Variants in CCDC174 observed in about 807,000 individuals in gnomAD.
CCDC174 encodes the protein coiled-coil domain containing 174, also known as coiled-coil domain-containing protein 174.
A neutral mutation model predicts 57.1 loss-of-function variants in CCDC174; 37 were observed. The ratio of observed to expected loss-of-function variants is 0.65; its 90% CI spans 0.50 to 0.85. The LOEUF (loss-of-function observed/expected upper bound fraction) is 0.85, where lower values mean the gene tolerates loss of function less well. Ranked by LOEUF, CCDC174 falls within the 40% of genes least tolerant of loss-of-function variation. CCDC174 has a pLI of 0.00. For missense variants in CCDC174, 540 were observed against 574.3 expected (o/e 0.94, Z 0.61); for synonymous variants, 182 against 190.2 (o/e 0.96, Z 0.35).
chr3:14,658,981 T>A (rs747892611), intron 4 of CCDC174, 52 bp downstream of exon 4: 75 of 1,397,044 alleles, frequency 5.4e-5, no homozygotes, highest in Admixed American at 2.7e-4. Context: ...ATACAGCCCT[T>A]TGATATTACA....
chr3:14,663,079 C>G (rs1287387639), intron 5 of CCDC174, among the ~76,000 whole-genome samples: 2 of 152,174 alleles, frequency 1.3e-5, no homozygotes, highest in Non-Finnish European at 2.9e-5. Flanking sequence ...GAGGCAGGGT[C>G]TCCACACTCC....
At position 14,670,079 on chromosome 3, in the gene CCDC174, C is replaced by CG; in HGVS notation, c.1100dup (p.Glu369ArgfsTer17). ...TGCCACACATCCGGGAGTGGGACCG[C>CG]GGAAAAGGTAAGGGAGGTGGGCTCT... is the stretch of plus-strand genomic sequence containing the variant. On this transcript the variant is annotated frameshift_variant, in exon 10 of 11. Coordinates refer to ENST00000383794, the MANE Select transcript of CCDC174 (RefSeq NM_016474.5). LOFTEE classifies it low-confidence loss of function (END_TRUNC). 1 of 1,608,594 alleles carries CG rather than the reference C, an allele frequency of 6.2e-7. No homozygotes were observed. The highest frequency in any genetic ancestry group is 8.5e-7 in the Non-Finnish European group (1 of 1,178,430).
intron 7 of CCDC174, 81 bp downstream of exon 7, chr3:14,667,028 A>C (rs774272502): frequency 8.3e-7 from 1 of 1,210,690 alleles, no homozygotes; most frequent in South Asian, 1.5e-5. Flanking sequence ...GTATTCATAA[A>C]GCAATAGCTT....
chr3:14,671,500 C>A lies in CCDC174; in HGVS notation c.*306C>A. 1 of 278,254 alleles carries A rather than the reference C, an allele frequency of 3.6e-6. No homozygotes were observed. The highest frequency in any genetic ancestry group is 6.7e-6 in the Non-Finnish European group (1 of 149,578). 17.2% of individuals were successfully genotyped at this position (278,254 alleles called of 1,614,324 possible). A position where few individuals can be genotyped will look rare whatever the true frequency, so the allele number is the denominator to read the frequency against. The stretch of plus-strand genomic sequence containing the variant: ...CTTATAACCCTGTTTCATATCTACT[C>A]CCACGACTTACTCATATTTAAGGGT... On this transcript the variant is annotated 3_prime_UTR_variant, in exon 11 of 11. Coordinates refer to ENST00000383794, the MANE Select transcript of CCDC174 (RefSeq NM_016474.5).
rs2031518173 is a variant in CCDC174 at position 14,671,673 on chromosome 3, TCCAAGAGGACC to T, written c.*481_*491del. The T allele has an allele frequency of 6.5e-6, 1 of 153,930 alleles. No homozygotes were observed. Among genetic ancestry groups the T allele is most frequent in the Admixed American group, 6.5e-5 (1 of 15,474 alleles). 9.5% of individuals were successfully genotyped at this position (153,930 alleles called of 1,614,324 possible). On this transcript the variant is annotated 3_prime_UTR_variant, in exon 11 of 11. Coordinates refer to ENST00000383794, the MANE Select transcript of CCDC174 (RefSeq NM_016474.5). ...GCATGGGAGGCAAAATGCTCTGTTC[TCCAAGAGGACC>T]CGGAAGTAATCACATAGGAAATGAT...
chr3:14,671,355 C>T lies in CCDC174; in HGVS notation c.*161C>T. The T allele has an allele frequency of 2.9e-6, 2 of 686,776 alleles. No individual in the cohort carries two copies. The highest frequency in any genetic ancestry group is 3.8e-4 in the Middle Eastern group (1 of 2,610). 42.5% of individuals were successfully genotyped at this position (686,776 alleles called of 1,614,324 possible). Reference sequence around the variant, plus strand: ...TCAGCAAGGAGGAAAGTTATGGAAACTTTGGCCACTTGGCTGTTCATTTTA... The same window carrying T: ...TCAGCAAGGAGGAAAGTTATGGAAATTTTGGCCACTTGGCTGTTCATTTTA... On this transcript the variant is annotated 3_prime_UTR_variant, in exon 11 of 11. Transcript: ENST00000383794.
At position 14,655,578 on chromosome 3, in the gene CCDC174, A is replaced by G; in HGVS notation, c.197A>G (p.Glu66Gly). ...AATGTAGGCGTTTCAAATCGAGCTG[A>G]GAAGGATGCTGAACAGAAGATTGAA... ...KQNVGVSNRA[E>G]KDAEQKIEEQ... is the part of the protein sequence containing the mutation. The change falls in exon 3 of 11, where the codon GAG (glutamate) becomes GGG (glycine). Residue 66 changes from glutamate to glycine, a missense_variant. Glu to Gly is a moderately conservative substitution (Grantham distance 98). Transcript: ENST00000383794. 1 of 1,610,942 alleles carries G rather than the reference A, an allele frequency of 6.2e-7. No individual in the cohort carries two copies. The highest frequency in any genetic ancestry group is 8.5e-7 in the Non-Finnish European group (1 of 1,178,264).
At chr3:14,667,389 A>T (rs1334751454) in intron 7 of CCDC174, 35 bp from the exon 8 acceptor site, 8 of 1,473,814 alleles carry the variant, frequency 5.4e-6, no homozygotes, top group Non-Finnish European at 7.6e-6. Context: ...TGATCAGGAC[A>T]GTCTGATCTT....
At position 14,671,103 on chromosome 3, in the gene CCDC174, C is replaced by G. The variant is rs145950373; in HGVS notation, c.1313C>G (p.Pro438Arg). ...SHGPSPEHTS[P>R]TPAPDNPPQA... ...GGACCTAGCCCTGAACATACGTCAC[C>G]CACTCCTGCCCCCGACAACCCACCA... The change falls in exon 11 of 11, where the codon CCC becomes CGC. Residue 438 changes from proline to arginine, a missense_variant. Transcript: ENST00000383794. The G allele has an allele frequency of 2.5e-5, 41 of 1,614,042 alleles. No homozygotes were observed. In the African/African-American group the frequency reaches 4.9e-4, roughly 19 times the overall value.
At chr3:14,664,649 G>A (rs1009850207) in intron 5 of CCDC174, among the ~76,000 whole-genome samples, 3 of 152,218 alleles carry the variant, frequency 2.0e-5, no homozygotes, top group Non-Finnish European at 2.9e-5. Context: ...GAGGAAATGA[G>A]CAAGTTGAGA....
At chr3:14,660,257 G>T (rs1435952028) in intron 4 of CCDC174, among the ~76,000 whole-genome samples, 2 of 152,236 alleles carry the variant, frequency 1.3e-5, no homozygotes, top group African/African-American at 2.4e-5. Flanking sequence ...TGTAATCCCA[G>T]CATTTTGGGA....
chr3:14,654,857 G>A lies in CCDC174; in HGVS notation c.147+327G>A, dbSNP rs555243135. On this transcript the variant is annotated intron_variant, in intron 2 of 10. Transcript: ENST00000383794. ...CAATTAGATAATATAGGAATATAGC[G>A]GAAAATATCAGGGTGTATAAGAGCT... Among the ~76,000 whole-genome samples the A allele has an allele frequency of 9.9e-5, 15 of 152,256 alleles. 1 individual carries two copies. Among genetic ancestry groups the A allele is most frequent in the South Asian group, 8.3e-4 (4 of 4,820 alleles).
rs558741704 is a variant in CCDC174, at chr3:14,671,051, C to T, written c.1261C>T (p.Pro421Ser). 123 of 1,614,116 alleles carry T rather than the reference C, an allele frequency of 7.6e-5. No individual in the cohort carries two copies. The highest frequency in any genetic ancestry group is 1.0e-4 in the Non-Finnish European group (120 of 1,180,010). The change falls in exon 11 of 11, where the codon CCA (proline) becomes TCA (serine). Residue 421 changes from proline (P) to serine (S), a missense_variant. By Grantham distance (74) the Pro-to-Ser change is moderately conservative. Coordinates refer to ENST00000383794, the MANE Select transcript of CCDC174 (RefSeq NM_016474.5). Reference sequence around the variant, plus strand: ...CAGACCTGGGCCAGCACAGAGTGACCCAGGGCAGTGCCCTGACCAGAGCCA... The same window carrying T: ...CAGACCTGGGCCAGCACAGAGTGACTCAGGGCAGTGCCCTGACCAGAGCCA... ...WSRPGPAQSDPGQCPDQSHGP... is the reference protein window; with the variant it reads ...WSRPGPAQSDSGQCPDQSHGP...
At chr3:14,658,221 C>T (rs1456095216) in intron 3 of CCDC174, among the ~76,000 whole-genome samples, 1 of 152,244 alleles carries the variant, frequency 6.6e-6, no homozygotes. Context: ...TCCTGTGAGT[C>T]CTCAGTGCCT....
chr3:14,651,967 C>T, intron 1 of CCDC174, 89 bp downstream of exon 1: 5 of 1,341,872 alleles, frequency 3.7e-6, no homozygotes, highest in Non-Finnish European at 5.3e-6. Context: ...TTTCTTCACT[C>T]GGGGACCCAG....
At position 14,651,825 on chromosome 3, in the gene CCDC174, T is replaced by A; in HGVS notation, c.-12T>A. On this transcript the variant is annotated 5_prime_UTR_variant, in exon 1 of 11. Transcript: ENST00000383794. The stretch of plus-strand genomic sequence containing the variant: ...AAGGGTCCTTCCTGGACCGGGACCC[T>A]CTGCCACGACCATGGACCGTAGGAA... The A allele has an allele frequency of 6.2e-7, 1 of 1,614,128 alleles. No homozygotes were observed. The highest frequency in any genetic ancestry group is 8.5e-7 in the Non-Finnish European group (1 of 1,179,972).
At chr3:14,656,863 G>A (rs1375650501) in intron 3 of CCDC174, among the ~76,000 whole-genome samples, 3 of 152,202 alleles carry the variant, frequency 2.0e-5, no homozygotes, top group Non-Finnish European at 4.4e-5. Flanking sequence ...TGGCATGACT[G>A]CTACATGTGC....
rs1217343620 is a variant in CCDC174, at chr3:14,665,085, A to G, written c.543A>G (p.Pro181=). ...RSRRCMRKDL[P]DLLEMDKNLQ... is the part of the protein sequence containing the mutation. The stretch of plus-strand genomic sequence containing the variant: ...GGCGCTGTATGAGAAAGGATTTGCC[A>G]GATCTGCTGGAGATGGATAAAAATC... The change falls in exon 6 of 11, where the codon CCA becomes CCG. Residue 181 remains proline (P), a synonymous_variant. Transcript: ENST00000383794. 11 of 1,614,008 alleles carry G rather than the reference A, an allele frequency of 6.8e-6. No homozygotes were observed. The highest frequency in any genetic ancestry group is 7.6e-6 in the Non-Finnish European group (9 of 1,179,968).
intron 9 of CCDC174, among the ~76,000 whole-genome samples, chr3:14,668,658 G>T (rs1466335504): frequency 6.8e-6 from 1 of 146,626 alleles, no homozygotes; most frequent in Non-Finnish European, 1.5e-5. Context: ...TTGGAGCACG[G>T]TTCCCCTTGG....
Sources: gnomAD v4.1 joint callset for allele counts (sites outside exome capture counted in the v4.1 genomes callset) on GRCh38, gnomAD v4.1.1 for gene constraint, MANE v1.5 for transcripts, NCBI Gene and HGNC (gene_info 2026-07-23, HGNC 2026-07-21) for gene names.